Variants in METTL21A observed in about 807,000 individuals in gnomAD.
The protein encoded by METTL21A is protein N-lysine methyltransferase METTL21A.
Under a neutral mutation model 20.9 loss-of-function variants are expected in METTL21A, and 22 were observed. The ratio of observed to expected loss-of-function variants is 1.05; its 90% CI spans 0.75 to 1.50. The LOEUF (loss-of-function observed/expected upper bound fraction) is 1.50. METTL21A is among the 40% of genes most tolerant of loss of function. METTL21A has a pLI of 0.00. For missense variants in METTL21A, 271 were observed against 266.8 expected (o/e 1.02, Z -0.11); for synonymous variants, 93 against 102.0 (o/e 0.91, Z 0.53).
At chr2:207,588,733 T>G (rs2084364832) in intron 3 of METTL21A, among the ~76,000 whole-genome samples, 1 of 145,460 alleles carries the variant, frequency 6.9e-6, no homozygotes, top group South Asian at 2.1e-4. Context: ...TTCTGGTTTT[T>G]TTTTTTTTTG....
intron 3 of METTL21A, among the ~76,000 whole-genome samples, chr2:207,596,727 C>T (rs369296318): frequency 3.9e-5 from 6 of 152,188 alleles, no homozygotes; most frequent in African/African-American, 1.4e-4. Context: ...GCCGCCACGC[C>T]TGGCCAGATT....
chr2:207,581,418 CAA>C (rs202225039), downstream of METTL21A: 1,093 of 201,468 alleles, frequency 5.4e-3, 11 homozygotes, highest in African/African-American at 0.024. Flanking sequence ...AGCAGGTTAC[CAA>C]AGAGTATTTA....
At chr2:207,580,986 G>A (rs1257134765), downstream of METTL21A, 1 of 218,324 alleles carries the variant, frequency 4.6e-6, no homozygotes, top group Non-Finnish European at 9.2e-6. Flanking sequence ...AGTGGAGTGG[G>A]AATGAACTCT....
rs755667198 is a variant in METTL21A, at chr2:207,613,266, A to G, written c.437T>C (p.Ile146Thr). The change falls in exon 4 of 4, where the codon ATA becomes ACA. Residue 146 changes from isoleucine to threonine, a missense_variant. By Grantham distance (89) the Ile-to-Thr change is moderately conservative. Coordinates refer to ENST00000406927, the Ensembl canonical transcript of METTL21A. ...ATCTGTGAATGTTTCTTCTAAATAT[A>G]TGATATCAGCACCAAGTATCAGGTC... 3.1e-6 allele frequency: 5 copies of G among 1,613,930 alleles called. No individual in the cohort carries two copies. The South Asian group carries it at 5.5e-5, about 18-fold the overall frequency.
chr2:207,617,029 CTG>C (rs2089850307), intron 3 of METTL21A, among the ~76,000 whole-genome samples: 1 of 152,094 alleles, frequency 6.6e-6, no homozygotes, highest in South Asian at 2.1e-4. Context: ...GAGATTTATG[CTG>C]GGTAAGGAGG....
intron 3 of METTL21A, chr2:207,620,694 G>C: frequency 6.5e-7 from 1 of 1,534,022 alleles, no homozygotes; most frequent in Non-Finnish European, 8.7e-7. Flanking sequence ...TGACTTAAGT[G>C]CTGTGGTTGA....
intron 1 of METTL21A, chr2:207,624,651 A>C (rs970106466): frequency 6.7e-6 from 2 of 300,564 alleles, no homozygotes; most frequent in African/African-American, 4.4e-5. Flanking sequence ...CAACTTCCGC[A>C]GAATACCCTA....
At chr2:207,606,596 A>C (rs887398163), downstream of METTL21A, among the ~76,000 whole-genome samples, 1 of 152,188 alleles carries the variant, frequency 6.6e-6, no homozygotes, top group African/African-American at 2.4e-5. Flanking sequence ...AGGGTTCTCT[A>C]TACTCACTGT....
At chr2:207,619,650 A>G (rs2090239168) in intron 3 of METTL21A, among the ~76,000 whole-genome samples, 1 of 152,242 alleles carries the variant, frequency 6.6e-6, no homozygotes, top group African/African-American at 2.4e-5. Context: ...AATTACAACT[A>G]TGATTAAAAA....
chr2:207,595,454 G>C (rs930783561), intron 3 of METTL21A, among the ~76,000 whole-genome samples: 5 of 150,904 alleles, frequency 3.3e-5, no homozygotes, highest in African/African-American at 1.2e-4. Flanking sequence ...ACAGCATCTT[G>C]CTGTCTCCCA....
downstream of METTL21A, among the ~76,000 whole-genome samples, chr2:207,607,693 TAACATAGCA>T (rs2088342587): frequency 7.0e-6 from 1 of 143,358 alleles, no homozygotes; most frequent in Admixed American, 7.2e-5. Context: ...ACATACATTT[TAACATAGCA>T]TCTTGGCAGC....
intron 3 of METTL21A, among the ~76,000 whole-genome samples, chr2:207,583,206 A>G (rs188827997): frequency 6.6e-6 from 1 of 152,238 alleles, no homozygotes; most frequent in Admixed American, 6.5e-5. Flanking sequence ...TATATAAGGG[A>G]CTTGAGCATC....
chr2:207,595,795 A>G (rs2086040376), intron 3 of METTL21A, among the ~76,000 whole-genome samples: 1 of 151,826 alleles, frequency 6.6e-6, no homozygotes, highest in Non-Finnish European at 1.5e-5. Flanking sequence ...TCTTGAACAC[A>G]TGGGTTCAAG....
intron 3 of METTL21A, among the ~76,000 whole-genome samples, chr2:207,614,575 T>C (rs374611792): frequency 8.3e-4 from 126 of 152,356 alleles, no homozygotes; most frequent in African/African-American, 3.0e-3. Context: ...ACGTATTTCT[T>C]GAAAAATTGT....
chr2:207,589,168 T>C (rs532504970), intron 3 of METTL21A, among the ~76,000 whole-genome samples: 1 of 152,312 alleles, frequency 6.6e-6, no homozygotes, highest in South Asian at 2.1e-4. Context: ...TCCAGTTCTA[T>C]AAGATCAGAG....
intron 3 of METTL21A, chr2:207,602,729 TTGTG>T (rs1253693346): frequency 4.7e-6 from 1 of 211,030 alleles, no homozygotes; most frequent in Non-Finnish European, 9.6e-6. Context: ...CCACTCCAAT[TTGTG>T]TATGTAATAA....
At chr2:207,595,949 TTGTC>T (rs1443541021) in intron 3 of METTL21A, among the ~76,000 whole-genome samples, 1 of 152,228 alleles carries the variant, frequency 6.6e-6, no homozygotes, top group African/African-American at 2.4e-5. Context: ...TCACTATTTA[TTGTC>T]TTTCGATGTG....
chr2:207,593,542 T>C (rs906475128), intron 3 of METTL21A, among the ~76,000 whole-genome samples: 9 of 151,860 alleles, frequency 5.9e-5, no homozygotes, highest in African/African-American at 1.7e-4. Flanking sequence ...AAATGAAAAA[T>C]AGAAGCAAAT....
chr2:207,582,000 T>C (rs2083023823), exon 4 of METTL21A: 2 of 699,720 alleles, frequency 2.9e-6, no homozygotes, highest in East Asian at 5.4e-5. Flanking sequence ...AGAGGTATAG[T>C]GTGCCTTTCT....
Sources: gnomAD v4.1 joint callset for allele counts (sites outside exome capture counted in the v4.1 genomes callset) on GRCh38, gnomAD v4.1.1 for gene constraint, MANE v1.5 for transcripts, NCBI Gene and HGNC (gene_info 2026-07-23, HGNC 2026-07-21) for gene names.